ARHGEF4: variants seen among roughly 807,000 people sequenced by gnomAD.
ARHGEF4 encodes APC-stimulated guanine nucleotide exchange factor 1.
A neutral mutation model predicts 162.0 loss-of-function variants in ARHGEF4; 119 were observed. The observed-to-expected ratio is 0.73, with a 90% CI of 0.63 to 0.86. The LOEUF (loss-of-function observed/expected upper bound fraction) is 0.86, where lower values mean the gene tolerates loss of function less well. ARHGEF4 is among the 40% of genes least tolerant of loss of function. The pLI is 0.00. For missense variants in ARHGEF4, 2,488 were observed against 2,456.0 expected (o/e 1.01, Z -0.28); for synonymous variants, 1,014 against 979.9 (o/e 1.03, Z -0.65).
chr2:130,990,405 T>TATC (rs1212153177), intron 4 of ARHGEF4, among the ~76,000 whole-genome samples: 2 of 152,148 alleles, frequency 1.3e-5, no homozygotes, highest in African/African-American at 2.4e-5. Flanking sequence ...ATAGATTTAT[T>TATC]ATTATTATTA....
chr2:130,912,824 C>T (rs1163443566), intron 1 of ARHGEF4, among the ~76,000 whole-genome samples: 1 of 152,168 alleles, frequency 6.6e-6, no homozygotes, highest in Non-Finnish European at 1.5e-5. Context: ...TCAATAGTCC[C>T]CCCTTATGCA....
rs535064334 is a variant in ARHGEF4, at chr2:130,918,511, G to A, written c.3552+1013G>A. On this transcript the variant is annotated intron_variant, in intron 2 of 13. Coordinates refer to ENST00000409359, the MANE Select transcript of ARHGEF4 (RefSeq NM_001367493.1). ...CGAGTCTTCCGCGCGCCCAGAGCCG[G>A]GGAGCGCAGGCCACAGCCACCCCAC... 3.1e-3 allele frequency among the ~76,000 whole-genome samples: 475 copies of A among 152,312 alleles called. 3 individuals are homozygous for A. Among genetic ancestry groups the A allele is most frequent in the Middle Eastern group, 0.01 (3 of 294 alleles).
intron 1 of ARHGEF4, among the ~76,000 whole-genome samples, chr2:130,843,466 C>T (rs1017560544): frequency 1.1e-4 from 16 of 152,186 alleles, no homozygotes; most frequent in Admixed American, 4.6e-4. Context: ...GCAGGCCTTC[C>T]GTGCCTCCCC....
intron 4 of ARHGEF4, among the ~76,000 whole-genome samples, chr2:130,958,831 A>G (rs937265288): frequency 6.6e-6 from 1 of 152,128 alleles, no homozygotes; most frequent in Non-Finnish European, 1.5e-5. Context: ...AGTTCCTCTC[A>G]CTGTCCTGCA....
chr2:130,896,738 G>A (rs1188201328), intron 1 of ARHGEF4, among the ~76,000 whole-genome samples: 2 of 152,154 alleles, frequency 1.3e-5, no homozygotes, highest in African/African-American at 4.8e-5. Context: ...AAACAAAGAG[G>A]ACCAGGGCTG....
intron 1 of ARHGEF4, chr2:130,837,528 C>T (rs1680278979): frequency 4.8e-6 from 2 of 417,314 alleles, no homozygotes; most frequent in South Asian, 3.4e-5. Flanking sequence ...CTGTTGGGCT[C>T]CTGCTCGGGG....
intron 1 of ARHGEF4, among the ~76,000 whole-genome samples, chr2:130,912,311 A>G (rs563736891): frequency 1.0e-3 from 153 of 152,218 alleles, no homozygotes; most frequent in African/African-American, 3.4e-3. Context: ...CCTGCAGCAG[A>G]CCCCTGGTTC....
rs530973543 is a variant in ARHGEF4 at position 130,854,761 on chromosome 2, C to T, written c.39+17769C>T. 7.7e-4 allele frequency among the ~76,000 whole-genome samples: 117 copies of T among 152,264 alleles called. 5 individuals are homozygous for T. Among genetic ancestry groups the T allele is most frequent in the Admixed American group, 7.6e-3 (117 of 15,298 alleles). On this transcript the variant is annotated intron_variant, in intron 1 of 13. Coordinates refer to ENST00000409359, the MANE Select transcript of ARHGEF4 (RefSeq NM_001367493.1). ...TGGGGATGTCATCAGGAAAAGCAGG[C>T]CCCCACCCCCAGCTCTGTGTTCTGA...
chr2:131,019,786 A>C (rs921563257), intron 4 of ARHGEF4, among the ~76,000 whole-genome samples: 2 of 152,066 alleles, frequency 1.3e-5, no homozygotes, highest in Non-Finnish European at 1.5e-5. Context: ...GGCGCCTGCC[A>C]CCACGGCCGG....
chr2:130,979,915 A>G (rs75134082), intron 4 of ARHGEF4, among the ~76,000 whole-genome samples: 2,374 of 152,234 alleles, frequency 0.016, 66 homozygotes, highest in African/African-American at 0.054. Flanking sequence ...AAACTTTCTC[A>G]AACAATAAGA....
intron 1 of ARHGEF4, among the ~76,000 whole-genome samples, chr2:130,854,268 A>G (rs999327524): frequency 6.6e-6 from 1 of 152,152 alleles, no homozygotes; most frequent in Non-Finnish European, 1.5e-5. Context: ...ACAGTCTGGG[A>G]CCCCTGTCCT....
chr2:130,898,500 A>G (rs1680297941), intron 1 of ARHGEF4, among the ~76,000 whole-genome samples: 1 of 152,206 alleles, frequency 6.6e-6, no homozygotes, highest in Non-Finnish European at 1.5e-5. Context: ...GTGAACGAGT[A>G]AATTTTACAG....
chr2:130,919,633 T>C (rs1296208591), intron 2 of ARHGEF4, among the ~76,000 whole-genome samples: 3 of 152,186 alleles, frequency 2.0e-5, no homozygotes, highest in Admixed American at 1.3e-4. Flanking sequence ...CCCAGCACTT[T>C]GGGAGGCCGA....
At chr2:131,035,609 GA>G in intron 5 of ARHGEF4, 1 of 975,508 alleles carries the variant, frequency 1.0e-6, no homozygotes, top group Non-Finnish European at 1.2e-6. Context: ...CTGGGTGAGC[GA>G]CCCGCGCTTG....
chr2:131,012,428 A>C (rs757811367), intron 4 of ARHGEF4, among the ~76,000 whole-genome samples: 1 of 152,172 alleles, frequency 6.6e-6, no homozygotes, highest in Non-Finnish European at 1.5e-5. Context: ...AAATACCCAA[A>C]AGTGAACGCA....
chr2:130,924,907 T>G (rs1682137984), intron 2 of ARHGEF4, among the ~76,000 whole-genome samples: 1 of 152,142 alleles, frequency 6.6e-6, no homozygotes, highest in Admixed American at 6.5e-5. Context: ...ACCAAGTGAT[T>G]TCCTAGGTCT....
chr2:131,047,197 T>A lies in ARHGEF4; in HGVS notation c.*1008T>A, dbSNP rs1342842920. Reference sequence around the variant, plus strand: ...AGCATGGACAGTCACTCTTGCACTATTCCTTCTCCAAGCCAGAAACCACAT... The same window carrying A: ...AGCATGGACAGTCACTCTTGCACTAATCCTTCTCCAAGCCAGAAACCACAT... On this transcript the variant is annotated 3_prime_UTR_variant, in exon 14 of 14. Coordinates refer to ENST00000409359, the MANE Select transcript of ARHGEF4 (RefSeq NM_001367493.1). 1 of 152,238 alleles carries A rather than the reference T, an allele frequency of 6.6e-6. No individual in the cohort carries two copies. The highest frequency in any genetic ancestry group is 1.9e-4 in the East Asian group (1 of 5,182). 9.4% of individuals were successfully genotyped at this position (152,238 alleles called of 1,614,324 possible). A position where few individuals can be genotyped will look rare whatever the true frequency, so the allele number is the denominator to read the frequency against.
At chr2:130,928,109 G>T (rs1006141329) in intron 2 of ARHGEF4, among the ~76,000 whole-genome samples, 2 of 152,096 alleles carry the variant, frequency 1.3e-5, no homozygotes, top group South Asian at 2.1e-4. Context: ...ATCTTTGGGT[G>T]AATTTCATAT....
intron 3 of ARHGEF4, among the ~76,000 whole-genome samples, chr2:130,937,889 G>A (rs531205634): frequency 3.3e-5 from 5 of 152,080 alleles, no homozygotes; most frequent in East Asian, 1.9e-4. Flanking sequence ...GGATGGTCTC[G>A]ATCTCCTGAC....
Sources: allele counts gnomAD v4.1 joint callset (sites outside exome capture counted in the v4.1 genomes callset), GRCh38; gene constraint gnomAD v4.1.1; transcripts MANE v1.5; gene names NCBI Gene and HGNC (gene_info 2026-07-23, HGNC 2026-07-21).